Variants in PPFIBP2 observed in about 807,000 individuals in gnomAD.
PPFIBP2 encodes liprin-beta-2.
PPFIBP2 carries 118 observed loss-of-function variants against 118.3 expected under a neutral mutation model. That is an observed-to-expected ratio of 1.00 (90% CI 0.86 to 1.16). The LOEUF (loss-of-function observed/expected upper bound fraction) is 1.16. Among genes scored for constraint, PPFIBP2 ranks in the 50% most tolerant of loss-of-function variants. The pLI, the probability that PPFIBP2 is intolerant of heterozygous loss-of-function variation, is 0.00. For missense variants in PPFIBP2, 1,195 were observed against 1,073.1 expected (o/e 1.11, Z -1.59); for synonymous variants, 414 against 397.4 (o/e 1.04, Z -0.50).
chr11:7,661,239 C>T (rs11041510), downstream of PPFIBP2, among the ~76,000 whole-genome samples: 98,160 of 137,704 alleles, frequency 0.71, 35,409 homozygotes, highest in Non-Finnish European at 0.77. Context: ...ATTGTGATGT[C>T]AGGGTGTCAA....
chr11:7,519,226 G>T (rs898188746), intron 1 of PPFIBP2, among the ~76,000 whole-genome samples: 2 of 152,070 alleles, frequency 1.3e-5, no homozygotes, highest in Non-Finnish European at 2.9e-5. Flanking sequence ...AGAGGGAGAG[G>T]TAGAGTCTGG....
chr11:7,597,058 C>A, intron 4 of PPFIBP2: 2 of 944,164 alleles, frequency 2.1e-6, no homozygotes, highest in Admixed American at 3.4e-5. Context: ...AATACATGCC[C>A]TTTACAGCCC....
intron 21 of PPFIBP2, 88 bp from the exon 22 acceptor site, chr11:7,650,752 C>T: frequency 1.4e-6 from 2 of 1,448,592 alleles, no homozygotes; most frequent in Non-Finnish European, 1.9e-6. Context: ...GCGTCTGGGG[C>T]AGGGTTACTT....
At chr11:7,580,012 T>C (rs185449350) in intron 3 of PPFIBP2, among the ~76,000 whole-genome samples, 63 of 151,940 alleles carry the variant, frequency 4.1e-4, no homozygotes, top group Admixed American at 1.0e-3. Context: ...TGAGCCCCCC[T>C]GGACTCACCC....
chr11:7,601,678 G>A (rs542441315), intron 5 of PPFIBP2, among the ~76,000 whole-genome samples: 3 of 152,156 alleles, frequency 2.0e-5, no homozygotes, highest in Admixed American at 1.3e-4. Flanking sequence ...GTTATTTCTC[G>A]GCCAGGCGCT....
chr11:7,566,246 G>C (rs897003614), intron 3 of PPFIBP2, among the ~76,000 whole-genome samples: 2 of 152,272 alleles, frequency 1.3e-5, no homozygotes, highest in South Asian at 2.1e-4. Flanking sequence ...TGGTAAAAAG[G>C]CTAAACTTTT....
chr11:7,665,433 C>T, the PPFIBP2 span: 7 of 1,612,502 alleles, frequency 4.3e-6, no homozygotes, highest in African/African-American at 2.7e-5. Context: ...GGGTGAGCCG[C>T]CGTCTGGATT....
chr11:7,539,645 G>A (rs1851569384), intron 1 of PPFIBP2, among the ~76,000 whole-genome samples: 1 of 152,206 alleles, frequency 6.6e-6, no homozygotes, highest in Non-Finnish European at 1.5e-5. Flanking sequence ...TTAGACAAAA[G>A]TGCCCTGGAG....
At chr11:7,606,762 A>G (rs1847389497) in intron 5 of PPFIBP2, among the ~76,000 whole-genome samples, 1 of 152,110 alleles carries the variant, frequency 6.6e-6, no homozygotes, top group South Asian at 2.1e-4. Flanking sequence ...TAGTTAAAAT[A>G]GGGATTTTGG....
intron 5 of PPFIBP2, among the ~76,000 whole-genome samples, chr11:7,608,358 T>G (rs1847645037): frequency 6.6e-6 from 1 of 152,192 alleles, no homozygotes; most frequent in South Asian, 2.1e-4. Context: ...CTAACTCTGC[T>G]TGCTGGGTGT....
At chr11:7,647,040 T>C (rs1310441416) in intron 17 of PPFIBP2, among the ~76,000 whole-genome samples, 1 of 152,220 alleles carries the variant, frequency 6.6e-6, no homozygotes, top group Non-Finnish European at 1.5e-5. Flanking sequence ...TTCCAGATTA[T>C]GATTGATCAG....
At chr11:7,557,940 A>T (rs1564970697) in intron 2 of PPFIBP2, among the ~76,000 whole-genome samples, 1 of 152,222 alleles carries the variant, frequency 6.6e-6, no homozygotes, top group Non-Finnish European at 1.5e-5. Context: ...AAATTCACAT[A>T]TGATGCTGTC....
intron 3 of PPFIBP2, among the ~76,000 whole-genome samples, chr11:7,576,253 G>A (rs755227839): frequency 1.3e-5 from 2 of 152,246 alleles, no homozygotes; most frequent in African/African-American, 4.8e-5. Flanking sequence ...AGCAGAGCTC[G>A]GGGCCTTGCG....
chr11:7,615,008 C>G (rs374670202), intron 6 of PPFIBP2, among the ~76,000 whole-genome samples: 36 of 152,118 alleles, frequency 2.4e-4, no homozygotes, highest in African/African-American at 8.4e-4. Context: ...GGAAACAGAC[C>G]TGTTAGGAGG....
intron 3 of PPFIBP2, among the ~76,000 whole-genome samples, chr11:7,585,228 C>T (rs1448429700): frequency 6.6e-6 from 1 of 152,142 alleles, no homozygotes; most frequent in East Asian, 1.9e-4. Context: ...GCCAAGATGA[C>T]AACTATTGAT....
In PPFIBP2 at chr11:7,597,791, A is replaced by G. The variant is rs563727245; in HGVS notation, c.486+118A>G. 3,076 of 841,516 alleles carry G rather than the reference A, an allele frequency of 3.7e-3. 14 individuals carry two copies. The highest frequency in any genetic ancestry group is 5.2e-3 in the Non-Finnish European group (2,686 of 520,278). 52.1% of individuals were successfully genotyped at this position (841,516 alleles called of 1,614,324 possible). On this transcript the variant is annotated intron_variant, in intron 5 of 23. Coordinates refer to ENST00000299492, the MANE Select transcript of PPFIBP2 (RefSeq NM_003621.5). ...CTTTCCCATCCTGCCTGGGGGCGGG[A>G]TTGGCTGCTCAGTTGTACGGTGTTT...
intron 1 of PPFIBP2, among the ~76,000 whole-genome samples, chr11:7,547,894 C>A (rs1274198326): frequency 6.6e-6 from 1 of 152,184 alleles, no homozygotes; most frequent in Non-Finnish European, 1.5e-5. Context: ...CTTCCCCATG[C>A]CTGCCGCCTC....
At chr11:7,575,566 C>T (rs1856205321) in intron 3 of PPFIBP2, among the ~76,000 whole-genome samples, 1 of 152,204 alleles carries the variant, frequency 6.6e-6, no homozygotes, top group South Asian at 2.1e-4. Context: ...CTGTCCAGCT[C>T]CCAAATCAGC....
In PPFIBP2 at chr11:7,646,288, A is replaced by G. The variant is rs141030459; in HGVS notation, c.1647-2099A>G. Among the ~76,000 whole-genome samples the G allele has an allele frequency of 4.5e-4, 68 of 152,372 alleles. No individual in the cohort carries two copies. In the East Asian group the frequency reaches 0.013, roughly 29 times the overall value. On this transcript the variant is annotated intron_variant, in intron 17 of 23. Transcript: ENST00000299492. ...TCAAAGAATGTTTAAGATTAGCCAT[A>G]GCGTTAGAAAACTTGAATGCGTTAT...
Sources: allele counts gnomAD v4.1 joint callset (sites outside exome capture counted in the v4.1 genomes callset), GRCh38; gene constraint gnomAD v4.1.1; transcripts MANE v1.5; gene names NCBI Gene and HGNC (gene_info 2026-07-23, HGNC 2026-07-21).